The following SKI variants were observed in gnomAD, a reference collection of about 807,000 sequenced individuals.
The protein encoded by SKI is ski oncogene.
In SKI, 23 loss-of-function variants were observed where a neutral mutation model predicts 59.3. The observed-to-expected ratio is 0.39, with a 90% confidence interval of 0.28 to 0.55. The LOEUF (loss-of-function observed/expected upper bound fraction) is 0.55. Among genes scored for constraint, SKI ranks in the 20% least tolerant of loss-of-function variants. SKI has a pLI of 0.67. For synonymous variants in SKI, 673 were observed against 488.6 expected (o/e 1.38, Z -4.98); for missense variants, 1,017 against 1,038.9 (o/e 0.98, Z 0.29).
chr1:2,232,340 CG>C (rs1232510386), intron 1 of SKI: 1 of 152,162 alleles, frequency 6.6e-6, no homozygotes, highest in Non-Finnish European at 1.5e-5. Flanking sequence ...AGGCCAGGGT[CG>C]GGTCTCCTGC....
At chr1:2,292,511 C>T (rs907880224) in intron 1 of SKI, among the ~76,000 whole-genome samples, 10 of 152,218 alleles carry the variant, frequency 6.6e-5, no homozygotes, top group Non-Finnish European at 1.5e-4. Context: ...CTCGAGAGCT[C>T]CTCCTTCCTA....
At position 2,308,690 on chromosome 1, in the gene SKI, C is replaced by T. The variant is rs1640661930; in HGVS notation, c.*1925C>T. ...AGTGTGTTGGCGTGCTTCTGTGTGGCTGTCCTGTGTCGCCAGGTCGAAGAT... is the reference window on the plus strand; with the variant it reads ...AGTGTGTTGGCGTGCTTCTGTGTGGTTGTCCTGTGTCGCCAGGTCGAAGAT... On this transcript the variant is annotated 3_prime_UTR_variant, in exon 7 of 7. Coordinates refer to ENST00000378536, the MANE Select transcript of SKI (RefSeq NM_003036.4). The T allele has an allele frequency of 6.6e-6, 1 of 150,548 alleles. No individual in the cohort carries two copies. Among genetic ancestry groups the T allele is most frequent in the Admixed American group, 6.6e-5 (1 of 15,088 alleles). The allele number at this position is 150,548 out of a possible 1,614,324, so 9.3% of individuals were successfully genotyped here.
At chr1:2,296,692 C>T (rs940503879) in intron 1 of SKI, among the ~76,000 whole-genome samples, 10 of 152,038 alleles carry the variant, frequency 6.6e-5, no homozygotes, top group Admixed American at 2.0e-4. Flanking sequence ...TTCCCTTTCT[C>T]GATGGTGTCC....
At chr1:2,288,134 G>A (rs959232983) in intron 1 of SKI, among the ~76,000 whole-genome samples, 5 of 152,122 alleles carry the variant, frequency 3.3e-5, no homozygotes, top group Admixed American at 1.3e-4. Flanking sequence ...GATCACAGGC[G>A]TGTGCCACCA....
chr1:2,258,896 G>GT lies in SKI; in HGVS notation c.969+29162dup, dbSNP rs1639327826. 1.3e-5 allele frequency among the ~76,000 whole-genome samples: 2 copies of GT among 152,176 alleles called. 1 individual carries two copies. The highest frequency in any genetic ancestry group is 2.9e-5 in the Non-Finnish European group (2 of 68,034). ...GCCCAGGGCCCCACCTGGGAGCAGGGTCAGCAGTGCCTGGCCCTTGAGTGT... is the reference window on the plus strand; with the variant it reads ...GCCCAGGGCCCCACCTGGGAGCAGGGTTCAGCAGTGCCTGGCCCTTGAGTGT... On this transcript the variant is annotated intron_variant, in intron 1 of 6. Coordinates refer to ENST00000378536, the MANE Select transcript of SKI (RefSeq NM_003036.4).
At chr1:2,285,857 C>T (rs1384980287) in intron 1 of SKI, among the ~76,000 whole-genome samples, 3 of 148,698 alleles carry the variant, frequency 2.0e-5, no homozygotes, top group Non-Finnish European at 3.0e-5. Context: ...TGAGCCACCG[C>T]ACCAGCCAGA....
intron 1 of SKI, among the ~76,000 whole-genome samples, chr1:2,260,863 T>G (rs1370970707): frequency 6.6e-6 from 1 of 152,230 alleles, no homozygotes; most frequent in East Asian, 1.9e-4. Context: ...TGGTTTGGAC[T>G]TCGGTTTCCT....
chr1:2,236,857 T>C (rs1416788157), intron 1 of SKI, among the ~76,000 whole-genome samples: 1 of 152,218 alleles, frequency 6.6e-6, no homozygotes, highest in Non-Finnish European at 1.5e-5. Context: ...CTCTCAGCCC[T>C]GCCTGGACCA....
chr1:2,259,250 G>T (rs1232691072), intron 1 of SKI, among the ~76,000 whole-genome samples: 1 of 152,228 alleles, frequency 6.6e-6, no homozygotes, highest in African/African-American at 2.4e-5. Flanking sequence ...CTGAGTAGGT[G>T]CGAGAGAGAC....
chr1:2,306,354 C>T (rs1337600352), intron 6 of SKI, 104 bp downstream of exon 6: 2 of 1,191,302 alleles, frequency 1.7e-6, no homozygotes, highest in South Asian at 1.6e-5. Context: ...GAGCAGAAGC[C>T]AGGCCCGGGA....
At chr1:2,263,500 GTGC>G (rs914778316) in intron 1 of SKI, among the ~76,000 whole-genome samples, 5 of 151,524 alleles carry the variant, frequency 3.3e-5, no homozygotes, top group African/African-American at 1.2e-4. Context: ...GCCTCCCAAA[GTGC>G]TGGGATTACA....
intron 1 of SKI, among the ~76,000 whole-genome samples, chr1:2,259,743 C>A (rs1639344161): frequency 6.6e-6 from 1 of 152,168 alleles, no homozygotes; most frequent in Admixed American, 6.5e-5. Context: ...TGCTTTTGGG[C>A]CTGTAGATTC....
intron 1 of SKI, among the ~76,000 whole-genome samples, chr1:2,264,564 C>T (rs1639458557): frequency 2.0e-5 from 3 of 151,950 alleles, no homozygotes; most frequent in Admixed American, 6.6e-5. Context: ...CCACTGCGTC[C>T]GGCCTGTTTT....
At position 2,306,794 on chromosome 1, in the gene SKI, G is replaced by T. The variant is rs1384938058; in HGVS notation, c.*29G>T. On this transcript the variant is annotated 3_prime_UTR_variant, in exon 7 of 7. Transcript: ENST00000378536. ...CCGTGCCTGCCGCCGCAGCGCCGCC[G>T]ACAACGCGGGTGCAGGGGGGCGCGG... 1 of 1,463,674 alleles carries T rather than the reference G, an allele frequency of 6.8e-7. No homozygotes were observed. The highest frequency in any genetic ancestry group is 9.0e-7 in the Non-Finnish European group (1 of 1,109,800). 90.7% of individuals were successfully genotyped at this position (1,463,674 alleles called of 1,614,324 possible). A position where few individuals can be genotyped will look rare whatever the true frequency, so the allele number is the denominator to read the frequency against.
intron 1 of SKI, among the ~76,000 whole-genome samples, chr1:2,273,140 T>G (rs1007187451): frequency 6.6e-6 from 1 of 152,186 alleles, no homozygotes; most frequent in African/African-American, 2.4e-5. Flanking sequence ...AAGGGGGTGT[T>G]TTCGGCCGTC....
chr1:2,242,246 C>A (rs1217814324), intron 1 of SKI, among the ~76,000 whole-genome samples: 1 of 152,136 alleles, frequency 6.6e-6, no homozygotes, highest in Non-Finnish European at 1.5e-5. Flanking sequence ...GGAGAGTAAT[C>A]AGAGAAGCAA....
intron 1 of SKI, among the ~76,000 whole-genome samples, chr1:2,238,915 G>C (rs2100805256): frequency 6.6e-6 from 1 of 152,316 alleles, no homozygotes; most frequent in East Asian, 1.9e-4. Context: ...TGGCGTCTGT[G>C]AGATCTCAGC....
At chr1:2,261,714 G>A (rs542998950) in intron 1 of SKI, among the ~76,000 whole-genome samples, 2 of 152,236 alleles carry the variant, frequency 1.3e-5, no homozygotes, top group Admixed American at 6.5e-5. Context: ...TTCCTTTCCA[G>A]TCTGGATGCT....
At chr1:2,244,813 CAGTG>C (rs1455703398) in intron 1 of SKI, among the ~76,000 whole-genome samples, 1 of 152,070 alleles carries the variant, frequency 6.6e-6, no homozygotes, top group African/African-American at 2.4e-5. Context: ...CATAGGCTGA[CAGTG>C]AAGGAATGGA....
Sources: allele counts gnomAD v4.1 joint callset (sites outside exome capture counted in the v4.1 genomes callset), GRCh38; gene constraint gnomAD v4.1.1; transcripts MANE v1.5; gene names NCBI Gene and HGNC (gene_info 2026-07-23, HGNC 2026-07-21).